Variants in PANK4 observed in about 807,000 individuals in gnomAD.
PANK4 encodes 4'-phosphopantetheine phosphatase.
Under a neutral mutation model 87.9 loss-of-function variants are expected in PANK4, and 40 were observed. The observed-to-expected ratio is 0.46, with a 90% confidence interval of 0.35 to 0.59. The LOEUF is 0.59. PANK4 is among the 20% of genes least tolerant of loss of function. The probability of loss-of-function intolerance (pLI) is 0.00; values close to 1 mark genes in which losing one functional copy is unlikely to be tolerated. For synonymous variants in PANK4, 524 were observed against 467.4 expected (o/e 1.12, Z -1.56); for missense variants, 926 against 1,072.3 (o/e 0.86, Z 1.90).
In PANK4 at chr1:2,518,421, C is replaced by A. The variant is rs765450372; in HGVS notation, c.1117+95G>T. ...ACTTTCTGAGGACTCACGCTCCCCACCCCACCTCCACCCTGGGCCGCCCTG... is the reference window on the plus strand; with the variant it reads ...ACTTTCTGAGGACTCACGCTCCCCAACCCACCTCCACCCTGGGCCGCCCTG... On this transcript the variant is annotated intron_variant, in intron 8 of 18. Transcript: ENST00000378466. 4 of 1,140,922 alleles carry A rather than the reference C, an allele frequency of 3.5e-6. No individual in the cohort carries two copies. The Admixed American group carries it at 8.3e-5, about 24-fold the overall frequency. 70.7% of individuals were successfully genotyped at this position (1,140,922 alleles called of 1,614,324 possible).
rs750164429 is a variant in PANK4, at chr1:2,520,438, TGCCCTCAGTGG to T, written c.607-35_607-25del. The T allele has an allele frequency of 3.5e-5, 56 of 1,597,448 alleles. No individual in the cohort carries two copies. The highest frequency in any genetic ancestry group is 1.7e-4 in the Middle Eastern group (1 of 5,950). On this transcript the variant is annotated intron_variant, in intron 4 of 18. Transcript: ENST00000378466. This position sits in a 1 kb window ranked among gnomAD's most constrained non-coding sequence, Gnocchi z 6.2. The stretch of plus-strand genomic sequence containing the variant: ...ACCTGCAACAGAGCCAGGGCAGGTG[TGCCCTCAGTGG>T]GCCCTCAGCCACACAGGCTCCCCCG...
chr1:2,515,695 C>T lies in PANK4; in HGVS notation c.1241G>A (p.Arg414Gln), dbSNP rs369616968. 8.7e-6 allele frequency: 14 copies of T among 1,612,792 alleles called. No individual in the cohort carries two copies. In the Admixed American group the frequency reaches 1.0e-4, roughly 12 times the overall value. Residue 414 changes from arginine (R) to glutamine (Q), a missense_variant, in exon 10 of 19, where the codon CGG (arginine) becomes CAG (glutamine). Arg to Gln is a conservative substitution (Grantham distance 43). Transcript: ENST00000378466. The surrounding 1 kb of genome is among the most constrained non-coding windows in gnomAD (Gnocchi z 5.0). ...SGTFDLLEMD[R>Q]LERPLVDLPL... is the part of the protein sequence containing the mutation. Reference sequence around the variant, plus strand: ...CAGGTCAACCAGTGGCCTCTCCAGCCGGTCCATTTCCAGCAAGTCAAACTG... The same window carrying T: ...CAGGTCAACCAGTGGCCTCTCCAGCTGGTCCATTTCCAGCAAGTCAAACTG...
Position 2,515,186 on chromosome 1 carries a change from G to A in PANK4, c.1374+376C>T. ...GAGTCCCAAGGTGGCCTCGCCGGGA[G>A]CTTGCTGGGGCTGAGTCTCACCCCA... On this transcript the variant is annotated intron_variant, in intron 10 of 18. Coordinates refer to ENST00000378466, the MANE Select transcript of PANK4 (RefSeq NM_018216.4). The surrounding 1 kb of genome is among the most constrained non-coding windows in gnomAD (Gnocchi z 5.0). 1 of 413,756 alleles carries A rather than the reference G, an allele frequency of 2.4e-6. No individual in the cohort carries two copies. The allele number at this position is 413,756 out of a possible 1,614,324, so 25.6% of individuals were successfully genotyped here. A position where few individuals can be genotyped will look rare whatever the true frequency, so the allele number is the denominator to read the frequency against.
Position 2,520,474 on chromosome 1 carries a change from G to T in PANK4, c.607-60C>A. ...GGCCCTCAGCCACACAGGCTCCCCC[G>T]CCCCCCGCCCCATGTGCTGCGCTGG... On this transcript the variant is annotated intron_variant, in intron 4 of 18. Transcript: ENST00000378466. This position sits in a 1 kb window ranked among gnomAD's most constrained non-coding sequence, Gnocchi z 6.2. The T allele has an allele frequency of 8.3e-7, 1 of 1,209,128 alleles. No homozygotes were observed. 74.9% of individuals were successfully genotyped at this position (1,209,128 alleles called of 1,614,324 possible).
chr1:2,518,487 T>G (rs1643825027), intron 8 of PANK4, 29 bp downstream of exon 8: 1 of 1,535,836 alleles, frequency 6.5e-7, no homozygotes, highest in African/African-American at 1.4e-5. Context: ...GGCCCCACGC[T>G]GCTCAGGGGC....
chr1:2,510,616 C>T lies in PANK4; in HGVS notation c.1938+62G>A. 9.8e-7 allele frequency: 1 copy of T among 1,020,404 alleles called. No homozygotes were observed. 63.2% of individuals were successfully genotyped at this position (1,020,404 alleles called of 1,614,324 possible). A position where few individuals can be genotyped will look rare whatever the true frequency, so the allele number is the denominator to read the frequency against. ...CCACCGCCAGAGGCCCACAGCGGCG[C>T]CAACCCCACCGAGAGCAGAGAAGCC... On this transcript the variant is annotated intron_variant, in intron 16 of 18. Coordinates refer to ENST00000378466, the MANE Select transcript of PANK4 (RefSeq NM_018216.4). The surrounding 1 kb of genome is among the most constrained non-coding windows in gnomAD (Gnocchi z 4.9).
In PANK4 at chr1:2,512,905, C is replaced by T; in HGVS notation, c.1710G>A (p.Gly570=). 1.2e-6 allele frequency: 2 copies of T among 1,612,804 alleles called. No individual in the cohort carries two copies. The highest frequency in any genetic ancestry group is 1.7e-6 in the Non-Finnish European group (2 of 1,179,862). ...GLLAGNVFDW[G]AKAVSAVLES... ...ACACCTACGCAGACACGGCTTTGGC[C>T]CCCCAGTCGAAGACATTCCCCGCCA... The change falls in exon 13 of 19, where the codon GGG becomes GGA. Residue 570 remains glycine (G), a synonymous_variant. Transcript: ENST00000378466.
chr1:2,523,461 G>C (rs1220759808), intron 1 of PANK4, among the ~76,000 whole-genome samples: 1 of 152,190 alleles, frequency 6.6e-6, no homozygotes, highest in East Asian at 1.9e-4. Flanking sequence ...AGAGGATGAA[G>C]ATCTATTTTA....
At position 2,519,701 on chromosome 1, in the gene PANK4, G is replaced by C; in HGVS notation, c.853+100C>G. ...ACACCCAAGACCCCGACTCTCCAGG[G>C]AGCAGTTGTGGGAAAGCAATGGTGG... On this transcript the variant is annotated intron_variant, in intron 6 of 18. Transcript: ENST00000378466. The surrounding 1 kb of genome is among the most constrained non-coding windows in gnomAD (Gnocchi z 8.3). 8.0e-7 allele frequency: 1 copy of C among 1,247,950 alleles called. No homozygotes were observed. Among genetic ancestry groups the C allele is most frequent in the Non-Finnish European group, 1.1e-6 (1 of 916,542 alleles). 77.3% of individuals were successfully genotyped at this position (1,247,950 alleles called of 1,614,324 possible).
At chr1:2,524,836 C>A (rs1441195776) in intron 1 of PANK4, among the ~76,000 whole-genome samples, 1 of 152,232 alleles carries the variant, frequency 6.6e-6, no homozygotes, top group African/African-American at 2.4e-5. Context: ...CACGCTCTAC[C>A]GGGCCTCAAG....
At chr1:2,526,425 G>C in intron 1 of PANK4, 39 bp downstream of exon 1, 1 of 881,874 alleles carries the variant, frequency 1.1e-6, no homozygotes, top group Non-Finnish European at 1.4e-6. Flanking sequence ...CGCCCCGCCC[G>C]CCCCCGCAGC....
In PANK4 at chr1:2,520,006, C is replaced by G. The variant is rs535926169; in HGVS notation, c.700-52G>C. 2.0e-6 allele frequency: 3 copies of G among 1,491,718 alleles called. No homozygotes were observed. The highest frequency in any genetic ancestry group is 1.8e-6 in the Non-Finnish European group (2 of 1,111,464). 92.4% of individuals were successfully genotyped at this position (1,491,718 alleles called of 1,614,324 possible). On this transcript the variant is annotated intron_variant, in intron 5 of 18. Coordinates refer to ENST00000378466, the MANE Select transcript of PANK4 (RefSeq NM_018216.4). This position sits in a 1 kb window ranked among gnomAD's most constrained non-coding sequence, Gnocchi z 6.2. The stretch of plus-strand genomic sequence containing the variant: ...GAGGCGCCAGGAGCTGCTGGAATCC[C>G]CACGACCCCAGAAACCAAGCCCATG...
At position 2,509,004 on chromosome 1, in the gene PANK4, A is replaced by C; in HGVS notation, c.2165T>G (p.Val722Gly). 1 of 1,606,922 alleles carries C rather than the reference A, an allele frequency of 6.2e-7. No individual in the cohort carries two copies. Among genetic ancestry groups the C allele is most frequent in the Non-Finnish European group, 8.5e-7 (1 of 1,179,628 alleles). The change falls in exon 19 of 19, where the codon GTC becomes GGC. Residue 722 changes from valine to glycine, a missense_variant. By Grantham distance (109) the Val-to-Gly change is moderately radical. Coordinates refer to ENST00000378466, the MANE Select transcript of PANK4 (RefSeq NM_018216.4). The surrounding 1 kb of genome is among the most constrained non-coding windows in gnomAD (Gnocchi z 4.9). ...LVRERGADLVVIEGMGRAVHT... is the reference protein window; with the variant it reads ...LVRERGADLVGIEGMGRAVHT... ...GACAGCACGGCCCATGCCCTCGATG[A>C]CCACCAGATCCGCGCCACGCTCCCG...
At position 2,510,198 on chromosome 1, in the gene PANK4, G is replaced by T; in HGVS notation, c.1939-41C>A. The T allele has an allele frequency of 7.8e-7, 1 of 1,289,864 alleles. No homozygotes were observed. 79.9% of individuals were successfully genotyped at this position (1,289,864 alleles called of 1,614,324 possible). ...CCAGGCTCTTTAGGAACCTGTGCTG[G>T]CCCAGCATGGAGCCTGCGTGCACCC... is the stretch of plus-strand genomic sequence containing the variant. On this transcript the variant is annotated intron_variant, in intron 16 of 18. Coordinates refer to ENST00000378466, the MANE Select transcript of PANK4 (RefSeq NM_018216.4). The surrounding 1 kb of genome is among the most constrained non-coding windows in gnomAD (Gnocchi z 4.9).
Position 2,514,389 on chromosome 1 carries a change from G to A in PANK4, c.1452C>T (p.Tyr484=), listed in dbSNP as rs1246094284. The change falls in exon 11 of 19, where the codon TAC becomes TAT. Residue 484 remains tyrosine (Y), a synonymous_variant. Transcript: ENST00000378466. ...AERAEKFRQK[Y]WNKLQTLRQQ... ...GCCTCAGGGTCTGAAGCTTGTTCCA[G>A]TACTTCTGCCGGAACTTCTCCGCCC... 1.9e-6 allele frequency: 3 copies of A among 1,612,434 alleles called. No homozygotes were observed. The highest frequency in any genetic ancestry group is 2.2e-5 in the South Asian group (2 of 91,068).
At chr1:2,522,721 GT>G (rs1643885226) in intron 1 of PANK4, among the ~76,000 whole-genome samples, 1 of 135,054 alleles carries the variant, frequency 7.4e-6, no homozygotes, top group African/African-American at 2.7e-5. Flanking sequence ...AGGGCACTGT[GT>G]GTGTTATAGT....
intron 11 of PANK4, 64 bp downstream of exon 11, chr1:2,514,290 C>T: frequency 3.7e-6 from 5 of 1,338,104 alleles, no homozygotes. Flanking sequence ...ACGGCACTTT[C>T]TCAGAGGTGC....
At chr1:2,516,505 G>A (rs920889336) in intron 9 of PANK4, among the ~76,000 whole-genome samples, 10 of 152,218 alleles carry the variant, frequency 6.6e-5, no homozygotes, top group African/African-American at 2.4e-4. Flanking sequence ...GGGACCAGAG[G>A]GGCTATGAGG....
intron 14 of PANK4, 90 bp from the exon 15 acceptor site, chr1:2,511,477 G>A (rs1643660612): frequency 2.5e-6 from 3 of 1,182,552 alleles, no homozygotes; most frequent in Non-Finnish European, 3.8e-6. Context: ...TCTCCAGGAA[G>A]CAAGTTCTCC....
Sources: gnomAD v4.1 joint callset for allele counts (sites outside exome capture counted in the v4.1 genomes callset) on GRCh38, gnomAD v4.1.1 for gene constraint, Gnocchi (gnomAD v3.1) non-coding constraint, MANE v1.5 for transcripts, NCBI Gene and HGNC (gene_info 2026-07-23, HGNC 2026-07-21) for gene names.